HMCN1: variants seen among roughly 807,000 people sequenced by gnomAD.
HMCN1 encodes the protein hemicentin 1.
In HMCN1, 321 loss-of-function variants were observed where a neutral mutation model predicts 625.9. The ratio of observed to expected loss-of-function variants is 0.51; its 90% CI spans 0.47 to 0.56. The LOEUF is 0.56. Among genes scored for constraint, HMCN1 ranks in the 20% least tolerant of loss-of-function variants. HMCN1 has a pLI of 0.00. For synonymous variants in HMCN1, 2,425 were observed against 2,417.6 expected, an observed-to-expected ratio of 1.00 and a Z score of -0.09; for missense variants, 6,588 against 6,887.3, an observed-to-expected ratio of 0.96 and a Z score of 1.54.
chr1:185,837,675 G>GA (rs1041914441), intron 1 of HMCN1, among the ~76,000 whole-genome samples: 2 of 151,358 alleles, frequency 1.3e-5, no homozygotes, highest in Admixed American at 6.6e-5. Context: ...TCTTCATTAA[G>GA]AAAAAAAACT....
chr1:186,110,392 A>T (rs148031961), intron 71 of HMCN1, among the ~76,000 whole-genome samples: 62 of 152,316 alleles, frequency 4.1e-4, no homozygotes, highest in African/African-American at 1.4e-3. Context: ...AATAGGATTA[A>T]AAGTAGGAGA....
chr1:185,847,928 G>A (rs868093921), intron 2 of HMCN1, among the ~76,000 whole-genome samples: 6 of 151,942 alleles, frequency 3.9e-5, no homozygotes, highest in African/African-American at 1.5e-4. Flanking sequence ...ACTACAGTGT[G>A]GGTGACAGGA....
At chr1:186,051,436 G>A (rs1249111143) in intron 42 of HMCN1, among the ~76,000 whole-genome samples, 1 of 152,036 alleles carries the variant, frequency 6.6e-6, no homozygotes, top group East Asian at 1.9e-4. Flanking sequence ...AACTTGAGAT[G>A]TTAAGTAGTT....
chr1:185,996,900 T>G (rs1331119252), intron 24 of HMCN1, among the ~76,000 whole-genome samples: 1 of 152,128 alleles, frequency 6.6e-6, no homozygotes, highest in African/African-American at 2.4e-5. Flanking sequence ...AAGTAATGAT[T>G]TGAATTAGAT....
chr1:185,937,196 G>A (rs1027522722), intron 11 of HMCN1, among the ~76,000 whole-genome samples: 4 of 152,200 alleles, frequency 2.6e-5, no homozygotes, highest in African/African-American at 9.6e-5. Flanking sequence ...AGATGACAGT[G>A]TGTATTCATA....
chr1:185,930,945 G>C (rs1017339621), intron 10 of HMCN1, among the ~76,000 whole-genome samples: 1 of 130,036 alleles, frequency 7.7e-6, no homozygotes, highest in African/African-American at 3.5e-5. Flanking sequence ...CACACACACA[G>C]AGTACTAAAA....
At chr1:186,087,751 A>T (rs973905223) in intron 60 of HMCN1, 106 bp downstream of exon 60, 1 of 1,281,656 alleles carries the variant, frequency 7.8e-7, no homozygotes, top group Non-Finnish European at 1.1e-6. Context: ...AATGATTTTC[A>T]TTAAAAAAAT....
At chr1:186,074,484 T>G (rs1421951187) in intron 52 of HMCN1, among the ~76,000 whole-genome samples, 2 of 152,194 alleles carry the variant, frequency 1.3e-5, no homozygotes, top group East Asian at 1.9e-4. Flanking sequence ...TAAAAATGTA[T>G]AAATGCATCA....
intron 2 of HMCN1, among the ~76,000 whole-genome samples, chr1:185,853,588 T>A (rs1002781180): frequency 4.6e-5 from 7 of 151,938 alleles, no homozygotes; most frequent in African/African-American, 1.5e-4. Context: ...CCATCCTACA[T>A]CCCCAGAGAA....
chr1:186,124,252 A>G (rs1341759447), intron 81 of HMCN1, among the ~76,000 whole-genome samples: 1 of 152,134 alleles, frequency 6.6e-6, no homozygotes, highest in East Asian at 1.9e-4. Flanking sequence ...CCCCAAACCC[A>G]GACAACTTTA....
intron 57 of HMCN1, among the ~76,000 whole-genome samples, chr1:186,083,800 T>C (rs1407000095): frequency 1.3e-5 from 2 of 152,148 alleles, no homozygotes; most frequent in African/African-American, 2.4e-5. Context: ...GTGTAATAGA[T>C]ATTTAAAACA....
At chr1:185,997,683 T>G (rs1652897240) in intron 25 of HMCN1, among the ~76,000 whole-genome samples, 159 bp downstream of exon 25, 1 of 152,192 alleles carries the variant, frequency 6.6e-6, no homozygotes, top group African/African-American at 2.4e-5. Context: ...AACAGCTCTT[T>G]GAATAAGTAT....
Position 186,178,476 on chromosome 1 carries a change from G to A in HMCN1, c.16004G>A (p.Gly5335Asp), listed in dbSNP as rs201491613. The change falls in exon 104 of 107, where the codon GGC (glycine) becomes GAC (aspartate). Residue 5335 changes from glycine (G) to aspartate (D), a missense_variant. Coordinates refer to ENST00000271588, the MANE Select transcript of HMCN1 (RefSeq NM_031935.3). ...PCAHQCSNTP[G>D]SFKCICPPGQ... Reference sequence around the variant, plus strand: ...GCACATCAGTGCTCCAACACCCCCGGCAGCTTCAAGTGTATCTGTCCACCA... The same window carrying A: ...GCACATCAGTGCTCCAACACCCCCGACAGCTTCAAGTGTATCTGTCCACCA... 15 of 1,614,020 alleles carry A rather than the reference G, an allele frequency of 9.3e-6. No individual in the cohort carries two copies. In the East Asian group the frequency reaches 3.3e-4, roughly 36 times the overall value.
In HMCN1 at chr1:186,119,733, G is replaced by C. The variant is rs374017650; in HGVS notation, c.11957-12G>C. 6.2e-7 allele frequency: 1 copy of C among 1,613,564 alleles called. No homozygotes were observed. The highest frequency in any genetic ancestry group is 1.7e-5 in the Admixed American group (1 of 59,966). ...TGCTATTACTTCTTTTTGTTGATTGGTTTTTTTATAGAGCCTCCAGTCATT... is the reference window on the plus strand; with the variant it reads ...TGCTATTACTTCTTTTTGTTGATTGCTTTTTTTATAGAGCCTCCAGTCATT... On this transcript the variant is annotated splice_polypyrimidine_tract_variant and intron_variant, in intron 78 of 106. Coordinates refer to ENST00000271588, the MANE Select transcript of HMCN1 (RefSeq NM_031935.3).
intron 1 of HMCN1, among the ~76,000 whole-genome samples, chr1:185,756,972 A>G (rs1449931949): frequency 6.6e-6 from 1 of 151,752 alleles, no homozygotes; most frequent in African/African-American, 2.4e-5. Context: ...CTTCCCATAG[A>G]TTTATTTTAT....
intron 102 of HMCN1, 84 bp from the exon 103 acceptor site, chr1:186,174,429 CA>C: frequency 1.3e-6 from 2 of 1,519,508 alleles, no homozygotes; most frequent in Admixed American, 3.4e-5. Flanking sequence ...CAACCTTTGG[CA>C]ATTCTACAGA....
At chr1:186,072,712 C>T (rs2102349118) in intron 52 of HMCN1, among the ~76,000 whole-genome samples, 1 of 152,154 alleles carries the variant, frequency 6.6e-6, no homozygotes, top group Non-Finnish European at 1.5e-5. Context: ...CAAAATATTC[C>T]AAAGTAAAGA....
chr1:185,940,536 C>A (rs187056176), intron 11 of HMCN1, among the ~76,000 whole-genome samples: 2 of 152,168 alleles, frequency 1.3e-5, no homozygotes, highest in Non-Finnish European at 1.5e-5. Flanking sequence ...AAAAAATAGA[C>A]CTTCTTTCTC....
intron 1 of HMCN1, among the ~76,000 whole-genome samples, chr1:185,845,722 A>G (rs796524008): frequency 2.6e-5 from 4 of 152,318 alleles, no homozygotes; most frequent in African/African-American, 9.6e-5. Context: ...TGCTTAATAA[A>G]TATTTACTGA....
Sources: gnomAD v4.1 joint callset for allele counts (sites outside exome capture counted in the v4.1 genomes callset) on GRCh38, gnomAD v4.1.1 for gene constraint, MANE v1.5 for transcripts, NCBI Gene and HGNC (gene_info 2026-07-23, HGNC 2026-07-21) for gene names.